BTRC: variants seen among roughly 807,000 people sequenced by gnomAD.
BTRC encodes F-box/WD repeat-containing protein 1A.
BTRC carries 42 observed loss-of-function variants against 85.5 expected under a neutral mutation model. That is an observed-to-expected ratio of 0.49 (90% confidence interval 0.38 to 0.64). BTRC has a LOEUF of 0.64. BTRC is among the 30% of genes least tolerant of loss of function. The probability of loss-of-function intolerance (pLI) is 0.00; values close to 1 mark genes in which losing one functional copy is unlikely to be tolerated. For missense variants in BTRC, 594 were observed against 743.5 expected (o/e 0.80, Z 2.34); for synonymous variants, 255 against 263.3 (o/e 0.97, Z 0.30).
At chr10:101,438,857 A>G (rs1944606609) in intron 2 of BTRC, among the ~76,000 whole-genome samples, 1 of 152,202 alleles carries the variant, frequency 6.6e-6, no homozygotes, top group African/African-American at 2.4e-5. Context: ...CAGCTTGAAA[A>G]TAACACAATA....
rs565833959 is a variant in BTRC, at chr10:101,484,044, A to G, written c.324+4587A>G. Among the ~76,000 whole-genome samples the G allele has an allele frequency of 8.2e-4, 125 of 152,330 alleles. 1 individual carries two copies. The highest frequency in any genetic ancestry group is 1.6e-3 in the Non-Finnish European group (110 of 68,038). ...AAAATTGAATTGTTTGAATACATCT[A>G]TCCAGATTCCTGGCCCAGATAAGAG... On this transcript the variant is annotated intron_variant, in intron 4 of 14. Transcript: ENST00000370187.
At chr10:101,381,375 TA>T (rs1337391097) in intron 1 of BTRC, among the ~76,000 whole-genome samples, 1 of 152,210 alleles carries the variant, frequency 6.6e-6, no homozygotes, top group East Asian at 1.9e-4. Context: ...TGAGTGTGGT[TA>T]ATCATTGTGC....
chr10:101,489,628 G>GAGCTCAGGAAC (rs1208227982), intron 4 of BTRC, among the ~76,000 whole-genome samples: 1 of 151,972 alleles, frequency 6.6e-6, no homozygotes, highest in Non-Finnish European at 1.5e-5. Context: ...TTTTATTCTT[G>GAGCTCAGGAAC]CGTCATGACT....
At chr10:101,455,319 C>T (rs1454264493) in intron 2 of BTRC, among the ~76,000 whole-genome samples, 1 of 151,466 alleles carries the variant, frequency 6.6e-6, no homozygotes, top group Non-Finnish European at 1.5e-5. Context: ...TACCTCCCGA[C>T]AAGAAAACAT....
At chr10:101,373,939 G>T (rs1428605216) in intron 1 of BTRC, among the ~76,000 whole-genome samples, 1 of 124,100 alleles carries the variant, frequency 8.1e-6, no homozygotes, top group African/African-American at 3.1e-5. Flanking sequence ...AAACAAGACA[G>T]AAAAAAAAAA....
chr10:101,509,136 C>T (rs979158447), intron 4 of BTRC, among the ~76,000 whole-genome samples: 23 of 151,558 alleles, frequency 1.5e-4, no homozygotes, highest in Non-Finnish European at 2.9e-4. Flanking sequence ...GGTCTCCCTG[C>T]TATCACCATC....
chr10:101,530,837 G>A (rs540741921), intron 6 of BTRC, among the ~76,000 whole-genome samples: 4 of 152,336 alleles, frequency 2.6e-5, no homozygotes, highest in Admixed American at 6.5e-5. Flanking sequence ...ATATGGAATG[G>A]TAACCGTGAA....
At chr10:101,462,118 GGAA>G (rs2134171295) in intron 3 of BTRC, 60 bp downstream of exon 3, 1 of 562,330 alleles carries the variant, frequency 1.8e-6, no homozygotes, top group South Asian at 2.3e-5. Flanking sequence ...AAAGACAGGA[GGAA>G]ACCCTTGATT....
rs1564730627 is a variant in BTRC at position 101,366,974 on chromosome 10, A to ATT, written c.48+12748_48+12749dup. On this transcript the variant is annotated intron_variant, in intron 1 of 14. Coordinates refer to ENST00000370187, the MANE Select transcript of BTRC (RefSeq NM_033637.4). ...TATATATATATTTATATAAATATATATTTATATATTTATATATATTAATAT... is the reference window on the plus strand; with the variant it reads ...TATATATATATTTATATAAATATATATTTTTATATATTTATATATATTAATAT... 1.4e-3 allele frequency among the ~76,000 whole-genome samples: 84 copies of ATT among 58,864 alleles called. 9 individuals carry two copies. The highest frequency in any genetic ancestry group is 4.9e-3 in the African/African-American group (81 of 16,562). 38.6% of individuals were successfully genotyped at this position (58,864 alleles called of 152,430 possible).
intron 3 of BTRC, among the ~76,000 whole-genome samples, chr10:101,477,165 C>A (rs1369195641): frequency 6.6e-6 from 1 of 151,528 alleles, no homozygotes; most frequent in Non-Finnish European, 1.5e-5. Flanking sequence ...TTTTTATTTT[C>A]TTTTTTTGTA....
chr10:101,362,399 A>AT (rs35918683), intron 1 of BTRC, among the ~76,000 whole-genome samples: 53,130 of 148,004 alleles, frequency 0.36, 10,398 homozygotes, highest in Middle Eastern at 0.49. Context: ...GGTGCAAGAA[A>AT]TTTTTTTTTT....
intron 2 of BTRC, among the ~76,000 whole-genome samples, chr10:101,434,137 C>T (rs993322452): frequency 3.3e-5 from 5 of 152,238 alleles, no homozygotes; most frequent in Middle Eastern, 3.4e-3. Context: ...CTCATGTCTG[C>T]TTCTGCACTC....
chr10:101,375,195 G>A (rs371468250), intron 1 of BTRC, among the ~76,000 whole-genome samples: 2 of 152,154 alleles, frequency 1.3e-5, no homozygotes, highest in East Asian at 1.9e-4. Context: ...GCGGATTTCC[G>A]CCTTTTGTGC....
intron 1 of BTRC, among the ~76,000 whole-genome samples, chr10:101,419,333 T>C (rs1364544305): frequency 6.6e-6 from 1 of 152,148 alleles, no homozygotes; most frequent in African/African-American, 2.4e-5. Flanking sequence ...TTTCTTTCAA[T>C]CAGGAGTCTG....
intron 5 of BTRC, among the ~76,000 whole-genome samples, chr10:101,522,902 G>A (rs1474094485): frequency 6.6e-6 from 1 of 151,866 alleles, no homozygotes; most frequent in Non-Finnish European, 1.5e-5. Context: ...TATATCAACA[G>A]AATATTTAAA....
At chr10:101,427,780 G>A (rs774475844) in intron 1 of BTRC, among the ~76,000 whole-genome samples, 6 of 151,888 alleles carry the variant, frequency 4.0e-5, no homozygotes, top group Non-Finnish European at 7.4e-5. Context: ...CACCTGCCTC[G>A]CCCTCCCAAA....
intron 1 of BTRC, among the ~76,000 whole-genome samples, chr10:101,365,212 T>C (rs190853825): frequency 5.5e-4 from 84 of 151,846 alleles, no homozygotes; most frequent in African/African-American, 1.9e-3. Flanking sequence ...TAGCTGGGAT[T>C]ACAGGCATGC....
intron 1 of BTRC, among the ~76,000 whole-genome samples, chr10:101,405,902 G>T (rs1341600998): frequency 6.6e-6 from 1 of 152,200 alleles, no homozygotes; most frequent in East Asian, 1.9e-4. Flanking sequence ...TGAAAAGAAT[G>T]TGTGTGTATA....
rs547636352 is a variant in BTRC, at chr10:101,515,441, T to C, written c.325-6198T>C. Among the ~76,000 whole-genome samples, 7 of 152,298 alleles carry C rather than the reference T, an allele frequency of 4.6e-5. No homozygotes were observed. In the East Asian group the frequency reaches 1.3e-3, roughly 29 times the overall value. On this transcript the variant is annotated intron_variant, in intron 4 of 14. Coordinates refer to ENST00000370187, the MANE Select transcript of BTRC (RefSeq NM_033637.4). ...TGAATACAGTGTATCTCTCCATTTATTTAAGTCTTTTTAAAATTTCCCTCA... is the reference window on the plus strand; with the variant it reads ...TGAATACAGTGTATCTCTCCATTTACTTAAGTCTTTTTAAAATTTCCCTCA...
Sources: gnomAD v4.1 joint callset for allele counts (sites outside exome capture counted in the v4.1 genomes callset) on GRCh38, gnomAD v4.1.1 for gene constraint, MANE v1.5 for transcripts, NCBI Gene and HGNC (gene_info 2026-07-23, HGNC 2026-07-21) for gene names.